The following CYP4F3 variants were observed in gnomAD, a reference collection of about 807,000 sequenced individuals.
CYP4F3 encodes the protein cytochrome P450 family 4 subfamily F member 3.
In CYP4F3, 50 loss-of-function variants were observed where a neutral mutation model predicts 54.8. The observed-to-expected ratio is 0.91, with a 90% CI of 0.73 to 1.16. The LOEUF is 1.16. Among genes scored for constraint, CYP4F3 ranks in the 50% most tolerant of loss-of-function variants. CYP4F3 has a pLI of 0.00. For synonymous variants in CYP4F3, 244 were observed against 262.6 expected, an observed-to-expected ratio of 0.93 and a Z score of 0.69; for missense variants, 715 against 676.2, an observed-to-expected ratio of 1.06 and a Z score of -0.64.
intron 7 of CYP4F3, among the ~76,000 whole-genome samples, chr19:15,651,869 A>C (rs1402494225): frequency 6.6e-6 from 1 of 152,182 alleles, no homozygotes; most frequent in African/African-American, 2.4e-5. Context: ...AGAGGCATTA[A>C]ATCTCTGGAT....
At position 15,647,137 on chromosome 19, in the gene CYP4F3, C is replaced by T. The variant is rs1972651280; in HGVS notation, c.397+32C>T. The T allele has an allele frequency of 1.9e-6, 3 of 1,614,198 alleles. No homozygotes were observed. The African/African-American group carries it at 4.0e-5, about 22-fold the overall frequency. ...ATCTGTAGGTGAACAGGGTTGGGAA[C>T]AACCTGGGGGGCCAGGGGAGGGAGA... On this transcript the variant is annotated intron_variant, in intron 4 of 12. Transcript: ENST00000221307.
At chr19:15,655,939 T>C (rs1277732627) in intron 9 of CYP4F3, among the ~76,000 whole-genome samples, 1 of 152,232 alleles carries the variant, frequency 6.6e-6, no homozygotes, top group Non-Finnish European at 1.5e-5. Context: ...ATTTGAAGTT[T>C]ACTTTCTTAG....
intron 11 of CYP4F3, 80 bp downstream of exon 11, chr19:15,658,635 C>A: frequency 1.2e-6 from 2 of 1,608,280 alleles, no homozygotes; most frequent in Non-Finnish European, 1.7e-6. Flanking sequence ...GAGAATCCAA[C>A]ATCACCTCCC....
chr19:15,659,429 T>C lies in CYP4F3; in HGVS notation c.*44T>C. 1.9e-6 allele frequency: 3 copies of C among 1,598,050 alleles called. No homozygotes were observed. The highest frequency in any genetic ancestry group is 2.6e-6 in the Non-Finnish European group (3 of 1,171,882). On this transcript the variant is annotated 3_prime_UTR_variant, in exon 13 of 13. Transcript: ENST00000221307. The stretch of plus-strand genomic sequence containing the variant: ...CTGACCCCACTAAAATGACCCCTGA[T>C]TCATCAAAAGTGAGGCCTAGAATTA...
intron 3 of CYP4F3, 30 bp from the exon 4 acceptor site, chr19:15,647,022 A>C: frequency 6.2e-7 from 1 of 1,612,938 alleles, no homozygotes; most frequent in Non-Finnish European, 8.5e-7. Context: ...ACCTGCCTCC[A>C]TGGCCCCTGA....
At chr19:15,653,000 C>G (rs1265892809) in intron 9 of CYP4F3, 48 bp downstream of exon 9, 2 of 1,557,748 alleles carry the variant, frequency 1.3e-6, no homozygotes, top group Admixed American at 2.0e-5. Context: ...CTCATTGGCT[C>G]TGTTCCCCAG....
chr19:15,645,990 T>C (rs1213563916), intron 3 of CYP4F3, 127 bp downstream of exon 3: 2 of 1,301,168 alleles, frequency 1.5e-6, no homozygotes, highest in South Asian at 3.6e-5. Flanking sequence ...GTGGTGGAGA[T>C]GCCACTGCTT....
In CYP4F3 at chr19:15,658,245, G is replaced by A. The variant is rs950726172; in HGVS notation, c.1116-19G>A. ...TCTTTGCTCCCTTGATAAGGATTGG[G>A]GCTGGGGTGTTTCCTTAGGGACGAC... On this transcript the variant is annotated intron_variant, in intron 9 of 12. Transcript: ENST00000221307. 7 of 1,613,706 alleles carry A rather than the reference G, an allele frequency of 4.3e-6. No homozygotes were observed. The highest frequency in any genetic ancestry group is 3.3e-4 in the Middle Eastern group (2 of 6,056).
At chr19:15,643,968 G>T (rs1244206953) in intron 2 of CYP4F3, 1 of 1,607,178 alleles carries the variant, frequency 6.2e-7, no homozygotes. Context: ...TACCCCCAGG[G>T]CTTTAAGGTC....
At position 15,647,236 on chromosome 19, in the gene CYP4F3, G is replaced by A. The variant is rs746952049; in HGVS notation, c.437G>A (p.Arg146His). The change falls in exon 5 of 13, where the codon CGC becomes CAC. Residue 146 changes from arginine (R) to histidine (H), a missense_variant. Transcript: ENST00000221307. ...LLLSAGEKWS[R>H]HRRMLTPAFH... ...CTGAGTGCTGGTGAAAAGTGGAGCC[G>A]CCACCGTCGGATGCTGACGCCTGCC... 22 of 1,614,208 alleles carry A rather than the reference G, an allele frequency of 1.4e-5. No individual in the cohort carries two copies. Among genetic ancestry groups the A allele is most frequent in the Middle Eastern group, 1.6e-4 (1 of 6,062 alleles).
chr19:15,656,568 C>T (rs1973025669), intron 9 of CYP4F3, among the ~76,000 whole-genome samples: 1 of 149,930 alleles, frequency 6.7e-6, no homozygotes, highest in African/African-American at 2.5e-5. Flanking sequence ...TATCTATCAT[C>T]TATCAATGTA....
intron 7 of CYP4F3, among the ~76,000 whole-genome samples, chr19:15,651,794 T>C (rs1972863953): frequency 6.6e-6 from 1 of 152,232 alleles, no homozygotes; most frequent in South Asian, 2.1e-4. Flanking sequence ...TATGACTTTT[T>C]CCATGTGTTT....
rs1973153075 is a variant in CYP4F3 at position 15,660,258 on chromosome 19, C to A, written c.*873C>A. Reference sequence around the variant, plus strand: ...GATTTCTTTTCTGGCACTTTAATGGCTTGAGGTATCATTATCAGTTACAAA... The same window carrying A: ...GATTTCTTTTCTGGCACTTTAATGGATTGAGGTATCATTATCAGTTACAAA... On this transcript the variant is annotated 3_prime_UTR_variant, in exon 13 of 13. Transcript: ENST00000221307. The A allele has an allele frequency of 6.6e-6, 1 of 152,130 alleles. No homozygotes were observed. The highest frequency in any genetic ancestry group is 2.4e-5 in the African/African-American group (1 of 41,428). 9.4% of individuals were successfully genotyped at this position (152,130 alleles called of 1,614,324 possible).
rs767606716 is a variant in CYP4F3 at position 15,658,301 on chromosome 19, A to G, written c.1153A>G (p.Ile385Val). ...CCAGCTGCCCTTCCTGACCATGTGC[A>G]TTAAGGAGAGCCTGAGGCTGCATCC... ...LAQLPFLTMC[I>V]KESLRLHPPV... is the part of the protein sequence containing the mutation. The change falls in exon 10 of 13, where the codon ATT becomes GTT. Residue 385 changes from isoleucine to valine, a missense_variant. Ile to Val is a conservative substitution (Grantham distance 29). Coordinates refer to ENST00000221307, the MANE Select transcript of CYP4F3 (RefSeq NM_000896.3). The G allele has an allele frequency of 4.3e-6, 7 of 1,614,082 alleles. No individual in the cohort carries two copies. Among genetic ancestry groups the G allele is most frequent in the Admixed American group, 3.3e-5 (2 of 60,020 alleles).
chr19:15,649,974 C>T lies in CYP4F3; in HGVS notation c.709C>T (p.Gln237Ter), dbSNP rs903966550. Residue 237 changes from glutamine (Q) to a stop codon, truncating the protein, a stop_gained, in exon 7 of 13, where the codon CAG becomes TAG. Coordinates refer to ENST00000221307, the MANE Select transcript of CYP4F3 (RefSeq NM_000896.3). LOFTEE classifies it high-confidence loss of function. Reference protein sequence around the residue: ...ELSALVTKRHQQILLYIDFLY... With the variant: ...ELSALVTKRH ...CAGTGCCCTTGTGACAAAAAGACAC[C>T]AGCAGATCCTCCTGTACATAGACTT... 5.0e-6 allele frequency: 8 copies of T among 1,614,046 alleles called. No individual in the cohort carries two copies. Among genetic ancestry groups the T allele is most frequent in the Non-Finnish European group, 6.8e-6 (8 of 1,180,038 alleles).
intron 9 of CYP4F3, among the ~76,000 whole-genome samples, chr19:15,657,318 G>A (rs1411744116): frequency 6.6e-6 from 1 of 152,088 alleles, no homozygotes; most frequent in Non-Finnish European, 1.5e-5. Context: ...ATTTTTTTGA[G>A]ACAGTTTCAC....
chr19:15,648,853 C>T (rs1050832155), intron 5 of CYP4F3, among the ~76,000 whole-genome samples: 2 of 152,142 alleles, frequency 1.3e-5, no homozygotes, highest in African/African-American at 4.8e-5. Flanking sequence ...CAAAGCACAT[C>T]ATCTTAACTG....
intron 8 of CYP4F3, 49 bp downstream of exon 8, chr19:15,652,684 C>G (rs1476312466): frequency 3.1e-6 from 5 of 1,613,716 alleles, no homozygotes; most frequent in Non-Finnish European, 8.5e-7. Flanking sequence ...TATCTCCATT[C>G]CAGGAACAGG....
chr19:15,653,839 G>T (rs983589691), intron 9 of CYP4F3, among the ~76,000 whole-genome samples: 3 of 151,802 alleles, frequency 2.0e-5, no homozygotes, highest in African/African-American at 7.3e-5. Flanking sequence ...AGACTGACTT[G>T]TGGTGAGATG....
Sources: gnomAD v4.1 joint callset for allele counts (sites outside exome capture counted in the v4.1 genomes callset) on GRCh38, gnomAD v4.1.1 for gene constraint, MANE v1.5 for transcripts, NCBI Gene and HGNC (gene_info 2026-07-23, HGNC 2026-07-21) for gene names.